Variants in DZANK1 observed in about 807,000 individuals in gnomAD.
DZANK1 encodes the protein double zinc ribbon and ankyrin repeat-containing protein 1.
DZANK1 carries 91 observed loss-of-function variants against 94.5 expected under a neutral mutation model. The ratio of observed to expected loss-of-function variants is 0.96; its 90% CI spans 0.81 to 1.15. The LOEUF (loss-of-function observed/expected upper bound fraction) is 1.15. DZANK1 is among the 50% of genes most tolerant of loss of function. DZANK1 has a pLI of 0.00. For synonymous variants in DZANK1, 312 were observed against 325.3 expected (o/e 0.96, Z 0.44); for missense variants, 903 against 916.4 (o/e 0.99, Z 0.19).
intron 2 of DZANK1, among the ~76,000 whole-genome samples, chr20:18,462,937 T>TAAAAAAAAAAAAAAAAAAA (rs61694583): frequency 9.0e-6 from 1 of 111,308 alleles, no homozygotes; most frequent in Non-Finnish European, 1.8e-5. Context: ...GACTCGGTCT[T>TAAAAAAAAAAAAAAAAAAA]AAAAAAAAAA....
At chr20:18,415,219 C>G (rs1450522016) in intron 11 of DZANK1, 108 bp downstream of exon 11, 1 of 1,194,142 alleles carries the variant, frequency 8.4e-7, no homozygotes, top group African/African-American at 1.6e-5. Flanking sequence ...GTACCAGTAG[C>G]GAAATCACAA....
intron 14 of DZANK1, among the ~76,000 whole-genome samples, chr20:18,398,054 A>G (rs919898961): frequency 6.6e-6 from 1 of 151,998 alleles, no homozygotes; most frequent in Non-Finnish European, 1.5e-5. Flanking sequence ...ATTTGTGGTT[A>G]TTTTTTTTAA....
intron 9 of DZANK1, chr20:18,428,546 C>G (rs1456820528): frequency 6.6e-6 from 1 of 152,134 alleles, no homozygotes; most frequent in Non-Finnish European, 1.5e-5. Flanking sequence ...AGAAAAACAA[C>G]AGACAAAGAA....
At chr20:18,385,133 T>C (rs1600684167) in intron 19 of DZANK1, 43 bp from the exon 20 acceptor site, 1 of 1,543,006 alleles carries the variant, frequency 6.5e-7, no homozygotes, top group East Asian at 2.4e-5. Context: ...TTAGTTAGCA[T>C]CATCAGGAAA....
intron 17 of DZANK1, among the ~76,000 whole-genome samples, chr20:18,393,111 G>A (rs2056111326): frequency 6.6e-6 from 1 of 152,142 alleles, no homozygotes; most frequent in Admixed American, 6.5e-5. Context: ...AAAGGAGAAG[G>A]GCAGAGCCTA....
At chr20:18,412,606 A>G in intron 13 of DZANK1, 40 bp downstream of exon 13, 1 of 1,582,588 alleles carries the variant, frequency 6.3e-7, no homozygotes. Context: ...GAAAGAGTGA[A>G]TTCCCTCCCG....
chr20:18,406,312 G>C (rs576936112), intron 13 of DZANK1, among the ~76,000 whole-genome samples: 1 of 152,338 alleles, frequency 6.6e-6, no homozygotes, highest in East Asian at 1.9e-4. Flanking sequence ...AAGGAGAGGA[G>C]AGCAAGGAGT....
At chr20:18,460,422 T>A in intron 2 of DZANK1, 116 bp from the exon 3 acceptor site, 1 of 836,198 alleles carries the variant, frequency 1.2e-6, no homozygotes, top group Non-Finnish European at 1.7e-6. Context: ...AGTTGTGATT[T>A]AAGTTAAGAT....
intron 14 of DZANK1, chr20:18,398,283 G>A (rs1230244354): frequency 6.0e-6 from 3 of 497,696 alleles, no homozygotes; most frequent in African/African-American, 3.8e-5. Context: ...ATCTGAGCAT[G>A]AGATGTTCAG....
At chr20:18,426,331 CA>C (rs1232164497) in intron 10 of DZANK1, among the ~76,000 whole-genome samples, 1 of 152,154 alleles carries the variant, frequency 6.6e-6, no homozygotes, top group East Asian at 1.9e-4. Flanking sequence ...TTGTCTTCTA[CA>C]AAACTGGTCC....
rs754902123 is a variant in DZANK1 at position 18,412,850 on chromosome 20, G to A, written c.1243-15C>T. 1.5e-5 allele frequency: 24 copies of A among 1,613,224 alleles called. No homozygotes were observed. In the Admixed American group the frequency reaches 2.7e-4, roughly 18 times the overall value. On this transcript the variant is annotated splice_polypyrimidine_tract_variant and intron_variant, in intron 12 of 20. Coordinates refer to ENST00000262547, the Ensembl canonical transcript of DZANK1. The stretch of plus-strand genomic sequence containing the variant: ...ATATTCAGGGACTGCCAGGCACATC[G>A]GGGCCATGCGTGAGGCAGAAGACAT...
chr20:18,463,536 T>C (rs2059544930), intron 2 of DZANK1, among the ~76,000 whole-genome samples: 1 of 152,236 alleles, frequency 6.6e-6, no homozygotes, highest in Admixed American at 6.5e-5. Context: ...TCATATCCTT[T>C]GCCCATTTTT....
chr20:18,465,141 A>C (rs1450539926), intron 2 of DZANK1, 109 bp downstream of exon 2: 2 of 713,788 alleles, frequency 2.8e-6, no homozygotes, highest in Non-Finnish European at 4.5e-6. Context: ...ATTTCCCAAA[A>C]AGCTGAGCAA....
intron 4 of DZANK1, 53 bp downstream of exon 4, chr20:18,455,194 G>A (rs1220950355): frequency 2.1e-6 from 3 of 1,420,156 alleles, no homozygotes; most frequent in East Asian, 4.9e-5. Context: ...CACTGAGAAA[G>A]AAGGAACCAA....
intron 6 of DZANK1, chr20:18,451,778 T>G: frequency 2.2e-6 from 1 of 461,002 alleles, no homozygotes; most frequent in South Asian, 1.7e-5. Context: ...CTCTCATCCG[T>G]CGGATCCCTC....
chr20:18,451,236 G>A (rs62207863), intron 6 of DZANK1, among the ~76,000 whole-genome samples: 3 of 152,136 alleles, frequency 2.0e-5, no homozygotes, highest in Non-Finnish European at 2.9e-5. Context: ...GAGCCACCAC[G>A]CCCAGCCAAT....
chr20:18,448,738 G>T (rs140973360), intron 7 of DZANK1, among the ~76,000 whole-genome samples: 1 of 151,830 alleles, frequency 6.6e-6, no homozygotes, highest in Non-Finnish European at 1.5e-5. Context: ...GTGGTGGCGC[G>T]TGCCTGTAAT....
chr20:18,414,537 GAAT>G lies in DZANK1; in HGVS notation c.1078-28_1078-26del, dbSNP rs1223004621. On this transcript the variant is annotated intron_variant, in intron 11 of 20. Coordinates refer to ENST00000262547, the Ensembl canonical transcript of DZANK1. ...GCTAGAGGATAGAAAATATCTTGAT[GAAT>G]ATTAGAGTTATAATTTCCTCATGTA... is the stretch of plus-strand genomic sequence containing the variant. 7 of 1,564,568 alleles carry G rather than the reference GAAT, an allele frequency of 4.5e-6. No homozygotes were observed. The East Asian group carries it at 1.7e-4, about 37-fold the overall frequency.
intron 8 of DZANK1, among the ~76,000 whole-genome samples, chr20:18,435,943 C>T (rs564281193): frequency 6.6e-6 from 1 of 152,124 alleles, no homozygotes; most frequent in East Asian, 1.9e-4. Flanking sequence ...CAACAACCCT[C>T]GGGGAAAAAA....
Sources: gnomAD v4.1 joint callset for allele counts (sites outside exome capture counted in the v4.1 genomes callset) on GRCh38, gnomAD v4.1.1 for gene constraint, MANE v1.5 for transcripts, NCBI Gene and HGNC (gene_info 2026-07-23, HGNC 2026-07-21) for gene names.